ANK3: variants seen among roughly 807,000 people sequenced by gnomAD.
The protein encoded by ANK3 is ankyrin 3.
In ANK3, 57 loss-of-function variants were observed where a neutral mutation model predicts 370.9. The ratio of observed to expected loss-of-function variants is 0.15; its 90% confidence interval spans 0.12 to 0.19. ANK3 has a LOEUF of 0.19. ANK3 is among the 10% of genes least tolerant of loss of function. The pLI, the probability that ANK3 is intolerant of heterozygous loss-of-function variation, is 1.00. For synonymous variants in ANK3, 1,929 were observed against 1,946.3 expected (o/e 0.99, Z 0.23); for missense variants, 4,439 against 5,302.1 (o/e 0.84, Z 5.06).
chr10:60,562,958 C>T (rs186814030), intron 2 of ANK3, among the ~76,000 whole-genome samples: 1 of 152,072 alleles, frequency 6.6e-6, no homozygotes, highest in Admixed American at 6.5e-5. Flanking sequence ...AAGTCTATAT[C>T]CCCCCCAAAG....
chr10:60,399,515 G>T (rs1239676973), intron 2 of ANK3, among the ~76,000 whole-genome samples: 2 of 152,112 alleles, frequency 1.3e-5, no homozygotes, highest in African/African-American at 4.8e-5. Context: ...GCGCAGATTG[G>T]CAGGGATACA....
chr10:60,109,167 T>G (rs1426347524), intron 26 of ANK3, 113 bp from the exon 27 acceptor site: 1 of 786,182 alleles, frequency 1.3e-6, no homozygotes, highest in East Asian at 2.7e-5. Flanking sequence ...GTAGCTATCA[T>G]TTCCTCTAAA....
intron 2 of ANK3, among the ~76,000 whole-genome samples, chr10:60,554,379 G>A (rs2077161060): frequency 6.6e-6 from 1 of 152,136 alleles, no homozygotes; most frequent in Non-Finnish European, 1.5e-5. Context: ...AAGCACAGGT[G>A]GTCCTGCTGG....
At chr10:60,172,546 A>G in intron 20 of ANK3, 143 bp from the exon 21 acceptor site, 1 of 697,516 alleles carries the variant, frequency 1.4e-6, no homozygotes. Context: ...CATACCTTGC[A>G]CAAAACCCAC....
intron 1 of ANK3, among the ~76,000 whole-genome samples, chr10:60,624,754 G>A (rs1595360179): frequency 6.6e-6 from 1 of 150,858 alleles, no homozygotes; most frequent in East Asian, 1.9e-4. Context: ...GTGGAATTGA[G>A]GAGGCATGAA....
intron 1 of ANK3, among the ~76,000 whole-genome samples, chr10:60,323,174 C>G (rs1396759460): frequency 6.6e-6 from 1 of 152,134 alleles, no homozygotes; most frequent in Non-Finnish European, 1.5e-5. Flanking sequence ...ATACCATAGG[C>G]AACTGGAACT....
intron 1 of ANK3, among the ~76,000 whole-genome samples, chr10:60,662,094 C>T (rs1252190679): frequency 6.6e-6 from 1 of 151,948 alleles, no homozygotes; most frequent in Non-Finnish European, 1.5e-5. Flanking sequence ...AAATTATAAA[C>T]AAATTATGAA....
intron 25 of ANK3, among the ~76,000 whole-genome samples, chr10:60,124,341 T>TA (rs1444313546): frequency 6.6e-6 from 1 of 151,820 alleles, no homozygotes; most frequent in Middle Eastern, 3.4e-3. Context: ...TTATTTTATT[T>TA]TTTTTTGTAT....
chr10:60,673,828 G>C (rs2133383822), intron 1 of ANK3, among the ~76,000 whole-genome samples: 1 of 152,284 alleles, frequency 6.6e-6, no homozygotes, highest in Non-Finnish European at 1.5e-5. Context: ...CTACAATGGG[G>C]GAAGGAAGAA....
At chr10:60,197,034 T>G (rs1030750804) in intron 14 of ANK3, among the ~76,000 whole-genome samples, 3 of 152,100 alleles carry the variant, frequency 2.0e-5, no homozygotes, top group East Asian at 1.9e-4. Context: ...CAGACTCAGT[T>G]TGGAGGGCTT....
chr10:60,515,856 T>C (rs922115304), intron 2 of ANK3, among the ~76,000 whole-genome samples: 3 of 152,160 alleles, frequency 2.0e-5, no homozygotes, highest in Non-Finnish European at 4.4e-5. Flanking sequence ...AACTATTCAT[T>C]CCACTGGTAT....
intron 7 of ANK3, among the ~76,000 whole-genome samples, chr10:60,258,777 C>T (rs6479707): frequency 0.11 from 16,227 of 152,100 alleles, 1,134 homozygotes; most frequent in Non-Finnish European, 0.16. Flanking sequence ...ATCTGTCATA[C>T]TTCTTTCTTC....
At chr10:60,642,971 T>C (rs1487152465) in intron 1 of ANK3, among the ~76,000 whole-genome samples, 1 of 152,300 alleles carries the variant, frequency 6.6e-6, no homozygotes, top group East Asian at 1.9e-4. Flanking sequence ...AAATGTATTA[T>C]AATAAAATGT....
At chr10:60,143,937 A>G (rs1319431358) in intron 23 of ANK3, among the ~76,000 whole-genome samples, 1 of 152,188 alleles carries the variant, frequency 6.6e-6, no homozygotes, top group Non-Finnish European at 1.5e-5. Flanking sequence ...GCTGCTTAGA[A>G]CCAGGGAAAG....
chr10:60,455,130 G>A (rs2064714113), intron 2 of ANK3, among the ~76,000 whole-genome samples: 1 of 152,082 alleles, frequency 6.6e-6, no homozygotes, highest in Non-Finnish European at 1.5e-5. Context: ...GAGGTTTCTG[G>A]TTATGAAAAA....
intron 1 of ANK3, among the ~76,000 whole-genome samples, chr10:60,716,111 T>G (rs2079783708): frequency 6.6e-6 from 1 of 152,160 alleles, no homozygotes; most frequent in African/African-American, 2.4e-5. Context: ...GAATATTACA[T>G]GAAAATAATT....
At chr10:60,204,354 G>T (rs114623732) in intron 11 of ANK3, among the ~76,000 whole-genome samples, 3,429 of 152,154 alleles carry the variant, frequency 0.023, 113 homozygotes, top group African/African-American at 0.075. Flanking sequence ...CATCAGCCAA[G>T]AATTTACTTT....
upstream of ANK3, among the ~76,000 whole-genome samples, chr10:60,391,285 A>T (rs2063082450): frequency 1.3e-5 from 2 of 152,136 alleles, no homozygotes. Flanking sequence ...CTTCCACACA[A>T]ACTATCTTCA....
rs112024056 is a variant in ANK3, at chr10:60,668,661, C to T, written c.58-53437G>A. 9.6e-4 allele frequency among the ~76,000 whole-genome samples: 146 copies of T among 152,230 alleles called. 1 individual carries two copies. The highest frequency in any genetic ancestry group is 6.8e-3 in the Middle Eastern group (2 of 294). ...GCAGGTGCACATCAGCCAGGCTCAG[C>T]TGTTACCCTCCAGAAAGCTTTGTCC... is the stretch of plus-strand genomic sequence containing the variant. On this transcript the variant is annotated intron_variant, in intron 1 of 43. Transcript: ENST00000373827.
Sources: gnomAD v4.1 joint callset for allele counts (sites outside exome capture counted in the v4.1 genomes callset) on GRCh38, gnomAD v4.1.1 for gene constraint, MANE v1.5 for transcripts, NCBI Gene and HGNC (gene_info 2026-07-23, HGNC 2026-07-21) for gene names.